The following ERN1 variants were observed in gnomAD, a reference collection of about 807,000 sequenced individuals.
The protein encoded by ERN1 is endoplasmic reticulum to nucleus signaling 1.
ERN1 carries 39 observed loss-of-function variants against 113.1 expected under a neutral mutation model. The ratio of observed to expected loss-of-function variants is 0.34; its 90% CI spans 0.27 to 0.45. The LOEUF is 0.45. Among genes scored for constraint, ERN1 ranks in the 20% least tolerant of loss-of-function variants. The pLI, the probability that ERN1 is intolerant of heterozygous loss-of-function variation, is 1.00. For missense variants in ERN1, 976 were observed against 1,274.8 expected (o/e 0.77, Z 3.57); for synonymous variants, 507 against 515.9 (o/e 0.98, Z 0.23).
chr17:64,058,406 A>G (rs1399737363), intron 11 of ERN1, among the ~76,000 whole-genome samples: 1 of 152,230 alleles, frequency 6.6e-6, no homozygotes, highest in Admixed American at 6.5e-5. Context: ...ATTTCACATT[A>G]AAAGGAAATC....
At chr17:64,062,403 T>C (rs969153991) in intron 10 of ERN1, among the ~76,000 whole-genome samples, 2 of 152,254 alleles carry the variant, frequency 1.3e-5, no homozygotes, top group African/African-American at 4.8e-5. Context: ...CTTTTACTTG[T>C]GGCCCTCGTC....
At chr17:64,094,709 T>C (rs1258837211) in intron 2 of ERN1, among the ~76,000 whole-genome samples, 1 of 151,910 alleles carries the variant, frequency 6.6e-6, no homozygotes. Flanking sequence ...CCTTGAGCTC[T>C]TGCTCAAATG....
rs1914276815 is a variant in ERN1, at chr17:64,098,040, G to C, written c.175+81C>G. ...TTTATTTTATTAGATAATGAGTAAT[G>C]TTTTCTCTTTCTCCAGAATATGTTT... On this transcript the variant is annotated intron_variant, in intron 2 of 21. Coordinates refer to ENST00000433197, the MANE Select transcript of ERN1 (RefSeq NM_001433.5). 5.2e-6 allele frequency: 8 copies of C among 1,530,700 alleles called. No individual in the cohort carries two copies. In the South Asian group the frequency reaches 9.2e-5, roughly 18 times the overall value. 94.8% of individuals were successfully genotyped at this position (1,530,700 alleles called of 1,614,324 possible).
At chr17:64,045,910 G>T (rs1175595804) in intron 19 of ERN1, among the ~76,000 whole-genome samples, 2 of 152,136 alleles carry the variant, frequency 1.3e-5, no homozygotes, top group African/African-American at 4.8e-5. Flanking sequence ...ACTGGTGGAG[G>T]GTCGCCACTC....
chr17:64,113,428 G>A (rs150924724), intron 1 of ERN1, among the ~76,000 whole-genome samples: 5 of 152,130 alleles, frequency 3.3e-5, no homozygotes, highest in Middle Eastern at 3.4e-3. Flanking sequence ...CCAAGTATTC[G>A]CAGAGTTAAA....
At chr17:64,060,197 C>T (rs1913007398) in intron 11 of ERN1, among the ~76,000 whole-genome samples, 1 of 152,172 alleles carries the variant, frequency 6.6e-6, no homozygotes, top group Non-Finnish European at 1.5e-5. Context: ...CCTCCTGTGC[C>T]CTCTTGCTCC....
At chr17:64,075,076 G>C in intron 5 of ERN1, 99 bp downstream of exon 5, 1 of 988,854 alleles carries the variant, frequency 1.0e-6, no homozygotes, top group Non-Finnish European at 1.6e-6. Flanking sequence ...GAAAGGGTTG[G>C]CAAGGCGGTG....
At chr17:64,086,262 C>T (rs1482022480) in intron 2 of ERN1, among the ~76,000 whole-genome samples, 1 of 152,216 alleles carries the variant, frequency 6.6e-6, no homozygotes, top group Non-Finnish European at 1.5e-5. Flanking sequence ...ATTTCCATCA[C>T]CCTAAAACAT....
intron 1 of ERN1, among the ~76,000 whole-genome samples, chr17:64,115,566 C>G (rs1914783062): frequency 6.6e-6 from 1 of 152,230 alleles, no homozygotes; most frequent in Non-Finnish European, 1.5e-5. Flanking sequence ...TCCCACCCTA[C>G]CCTGCTCAGC....
In ERN1 at chr17:64,059,380, G is replaced by A. The variant is rs116213280; in HGVS notation, c.1206+1089C>T. Among the ~76,000 whole-genome samples, 753 of 152,222 alleles carry A rather than the reference G, an allele frequency of 4.9e-3. 6 individuals are homozygous for A. The highest frequency in any genetic ancestry group is 0.027 in the Middle Eastern group (8 of 294). ...TTCTTCTTCTGACCCTACTCATGTA[G>A]CCCAGGTGCATCTCTGTCCCTGGGC... On this transcript the variant is annotated intron_variant, in intron 11 of 21. Transcript: ENST00000433197.
chr17:64,057,693 G>A, intron 12 of ERN1, 109 bp downstream of exon 12: 1 of 1,086,774 alleles, frequency 9.2e-7, no homozygotes, highest in South Asian at 1.4e-5. Flanking sequence ...ACTTTTAAAT[G>A]GGGAAAGAAA....
chr17:64,093,671 GGCCCC>G, intron 2 of ERN1, among the ~76,000 whole-genome samples: 1 of 152,010 alleles, frequency 6.6e-6, no homozygotes. Flanking sequence ...CCATCCTAAG[GGCCCC>G]ATCTTCATGA....
rs535426951 is a variant in ERN1 at position 64,085,142 on chromosome 17, G to A, written c.176-4334C>T. ...CACACAGGTGGTAACCAACGTATTT[G>A]CTGAATGGAGTAATTAAGTGTCATT... On this transcript the variant is annotated intron_variant, in intron 2 of 21. Transcript: ENST00000433197. 2.4e-4 allele frequency among the ~76,000 whole-genome samples: 37 copies of A among 152,300 alleles called. 1 individual carries two copies. The South Asian group carries it at 7.7e-3, about 32-fold the overall frequency.
At chr17:64,081,205 G>A (rs1330201974) in intron 2 of ERN1, among the ~76,000 whole-genome samples, 1 of 152,142 alleles carries the variant, frequency 6.6e-6, no homozygotes, top group Non-Finnish European at 1.5e-5. Context: ...TACCTTGTCC[G>A]ATGCCTGGAG....
chr17:64,060,033 C>T (rs1365678588), intron 11 of ERN1, among the ~76,000 whole-genome samples: 2 of 152,016 alleles, frequency 1.3e-5, no homozygotes, highest in Non-Finnish European at 1.5e-5. Context: ...GTTTCAGGCC[C>T]TGTAACATGG....
rs776358346 is a variant in ERN1 at position 64,054,778 on chromosome 17, C to A, written c.1723G>T (p.Asp575Tyr). The A allele has an allele frequency of 5.6e-6, 9 of 1,610,498 alleles. No individual in the cohort carries two copies. In the East Asian group the frequency reaches 2.0e-4, roughly 36 times the overall value. ...CCCTCAGCTCCATGGCCCAGGACAT[C>A]CTTGGGACAGAAGGAAATTTTCCCA... ...IVGKISFCPK[D>Y]VLGHGAEGTI... The change falls in exon 14 of 22, where the codon GAT becomes TAT. Residue 575 changes from aspartate (D) to tyrosine (Y), a missense_variant. Around this residue, in one of 5 missense-constraint regions of ERN1, gnomAD observed 112 missense variants for 106.2 expected, o/e 1.05. Transcript: ENST00000433197. This position sits in a 1 kb window ranked among gnomAD's most constrained non-coding sequence, Gnocchi z 4.9.
chr17:64,081,230 C>T (rs1348254072), intron 2 of ERN1, among the ~76,000 whole-genome samples: 1 of 152,138 alleles, frequency 6.6e-6, no homozygotes, highest in Non-Finnish European at 1.5e-5. Flanking sequence ...TCTACATATT[C>T]CCATTAGGAA....
chr17:64,053,249 C>T (rs774643237), intron 16 of ERN1, 23 bp downstream of exon 16: 19 of 1,568,404 alleles, frequency 1.2e-5, no homozygotes, highest in Non-Finnish European at 1.5e-5. Flanking sequence ...GGGCCGCTGG[C>T]CTGGTAAAGT....
At chr17:64,062,382 T>G (rs942230108) in intron 10 of ERN1, among the ~76,000 whole-genome samples, 1 of 152,256 alleles carries the variant, frequency 6.6e-6, no homozygotes, top group African/African-American at 2.4e-5. Flanking sequence ...CTGGACATAG[T>G]AGGGCATATC....
Sources: gnomAD v4.1 joint callset for allele counts (sites outside exome capture counted in the v4.1 genomes callset) on GRCh38, gnomAD v4.1.1 for gene constraint, gnomAD v4.1.1 regional missense constraint, Gnocchi (gnomAD v3.1) non-coding constraint, MANE v1.5 for transcripts, NCBI Gene and HGNC (gene_info 2026-07-23, HGNC 2026-07-21) for gene names.